The following TACC2 variants were observed in gnomAD, a reference collection of about 807,000 sequenced individuals.
TACC2 encodes the protein transforming acidic coiled-coil-containing protein 2.
TACC2 carries 137 observed loss-of-function variants against 227.3 expected under a neutral mutation model. That is an observed-to-expected ratio of 0.60 (90% CI 0.52 to 0.69). The LOEUF (loss-of-function observed/expected upper bound fraction) is 0.69. TACC2 is among the 30% of genes least tolerant of loss of function. TACC2 has a pLI of 0.00. For synonymous variants in TACC2, 1,523 were observed against 1,487.5 expected, an observed-to-expected ratio of 1.02 and a Z score of -0.55; for missense variants, 3,470 against 3,694.4, an observed-to-expected ratio of 0.94 and a Z score of 1.57.
chr10:122,151,894 A>G (rs1449872330), intron 7 of TACC2, among the ~76,000 whole-genome samples: 1 of 152,210 alleles, frequency 6.6e-6, no homozygotes, highest in East Asian at 1.9e-4. Flanking sequence ...TGACCCTGCA[A>G]CGTGGGCCAC....
rs149502897 is a variant in TACC2, at chr10:122,132,512, GC to G, written c.5574-94del. On this transcript the variant is annotated intron_variant, in intron 5 of 22. Coordinates refer to ENST00000369005, the MANE Select transcript of TACC2 (RefSeq NM_206862.4). ...TGCAGTGAGCGGAGATCGCGCCATT[GC>G]CCTCCAGCCTGGATAAGAAAAGCGA... 8,097 of 1,449,548 alleles carry G rather than the reference GC, an allele frequency of 5.6e-3. 299 individuals carry two copies. The African/African-American group carries it at 0.087, about 16-fold the overall frequency. 89.8% of individuals were successfully genotyped at this position (1,449,548 alleles called of 1,614,324 possible).
At position 122,088,476 on chromosome 10, in the gene TACC2, A is replaced by C; in HGVS notation, c.5460-2A>C. On this transcript the variant is annotated splice_acceptor_variant, in intron 4 of 22. Transcript: ENST00000369005. LOFTEE classifies it high-confidence loss of function. ...ATTAATTGCTTTCTTTTATTATCCC[A>C]GAGAGAGCCCCAGGCCTGGCCCATC... 2 of 1,610,778 alleles carry C rather than the reference A, an allele frequency of 1.2e-6. No homozygotes were observed. The highest frequency in any genetic ancestry group is 1.7e-6 in the Non-Finnish European group (2 of 1,178,348).
rs774997518 is a variant in TACC2 at position 122,050,572 on chromosome 10, A to G, written c.146+22A>G. On this transcript the variant is annotated intron_variant, in intron 3 of 22. Coordinates refer to ENST00000369005, the MANE Select transcript of TACC2 (RefSeq NM_206862.4). This position sits in a 1 kb window ranked among gnomAD's most constrained non-coding sequence, Gnocchi z 4.6. Reference sequence around the variant, plus strand: ...CCAGGTAGGAGGCCAGCTCTGGAGGACTGATGCAGCCCAAGGACTGCCCCG... The same window carrying G: ...CCAGGTAGGAGGCCAGCTCTGGAGGGCTGATGCAGCCCAAGGACTGCCCCG... 1.3e-6 allele frequency: 2 copies of G among 1,587,366 alleles called. No homozygotes were observed. The highest frequency in any genetic ancestry group is 1.7e-6 in the Non-Finnish European group (2 of 1,157,048).
chr10:122,136,844 G>C (rs2089768877), intron 6 of TACC2, among the ~76,000 whole-genome samples: 1 of 151,986 alleles, frequency 6.6e-6, no homozygotes, highest in African/African-American at 2.4e-5. Flanking sequence ...GTGAGCCACT[G>C]AACCCAGCAG....
chr10:122,197,427 C>G (rs559872275), intron 8 of TACC2, among the ~76,000 whole-genome samples: 75 of 152,356 alleles, frequency 4.9e-4, no homozygotes, highest in African/African-American at 1.7e-3. Context: ...TGGGATGCCA[C>G]TCTGTTCTCT....
intron 7 of TACC2, chr10:122,164,002 C>A: frequency 6.4e-7 from 1 of 1,571,466 alleles, no homozygotes. Context: ...TGTAAGTGCT[C>A]CGCCCGGGCC....
At chr10:122,164,130 C>G in intron 7 of TACC2, 1 of 1,046,254 alleles carries the variant, frequency 9.6e-7, no homozygotes, top group Non-Finnish European at 1.4e-6. Context: ...CCTTGGAAAG[C>G]TTTACCTGGG....
intron 2 of TACC2, among the ~76,000 whole-genome samples, chr10:122,049,362 G>A (rs963942542): frequency 6.6e-6 from 1 of 152,148 alleles, no homozygotes; most frequent in Non-Finnish European, 1.5e-5. Context: ...GTGACTTCCC[G>A]ACTCACCTTC....
At chr10:122,235,975 G>A (rs917503913) in intron 16 of TACC2, among the ~76,000 whole-genome samples, 3 of 152,074 alleles carry the variant, frequency 2.0e-5, no homozygotes, top group Non-Finnish European at 2.9e-5. Flanking sequence ...GGCAACAGAC[G>A]TTCAATCTTC....
chr10:122,093,054 C>A (rs2080997357), intron 5 of TACC2, among the ~76,000 whole-genome samples: 1 of 150,852 alleles, frequency 6.6e-6, no homozygotes, highest in Admixed American at 6.6e-5. Context: ...CTTGTCGTTG[C>A]TGAATATGTG....
At chr10:121,999,201 G>A (rs948551078) in intron 1 of TACC2, among the ~76,000 whole-genome samples, 1 of 152,054 alleles carries the variant, frequency 6.6e-6, no homozygotes, top group Non-Finnish European at 1.5e-5. Context: ...TAGAGACAGG[G>A]TTTCACCGTT....
chr10:122,034,529 C>T (rs935657053), intron 2 of TACC2, among the ~76,000 whole-genome samples: 2 of 152,120 alleles, frequency 1.3e-5, no homozygotes, highest in Non-Finnish European at 2.9e-5. Flanking sequence ...CCTGGATCAG[C>T]CCAGAAAAAG....
chr10:122,133,386 C>T (rs184175966), intron 6 of TACC2, among the ~76,000 whole-genome samples: 3 of 152,244 alleles, frequency 2.0e-5, no homozygotes, highest in East Asian at 1.9e-4. Flanking sequence ...GCATTTAACC[C>T]GGGCTTTCCC....
intron 3 of TACC2, among the ~76,000 whole-genome samples, chr10:122,062,894 C>T (rs1320221519): frequency 1.3e-5 from 2 of 152,186 alleles, no homozygotes; most frequent in African/African-American, 2.4e-5. Context: ...TCACCTCACC[C>T]GGCAGCTCTG....
Position 122,248,999 on chromosome 10 carries a change from G to A in TACC2, c.8554-51G>A, listed in dbSNP as rs965206573. The A allele has an allele frequency of 3.8e-6, 6 of 1,558,572 alleles. No homozygotes were observed. In the African/African-American group the frequency reaches 8.1e-5, roughly 21 times the overall value. ...AGTTCCTGGGGTTCCCACCAGTGCT[G>A]GGCATTTGTTCTCGTGGGCTTGACG... is the stretch of plus-strand genomic sequence containing the variant. On this transcript the variant is annotated intron_variant, in intron 20 of 22. Coordinates refer to ENST00000369005, the MANE Select transcript of TACC2 (RefSeq NM_206862.4).
At chr10:122,163,564 A>G in intron 7 of TACC2, 3 of 994,960 alleles carry the variant, frequency 3.0e-6, no homozygotes, top group Non-Finnish European at 3.6e-6. Flanking sequence ...TGATGACATC[A>G]TCGTGTCACA....
intron 7 of TACC2, among the ~76,000 whole-genome samples, chr10:122,188,425 A>T (rs2094290087): frequency 6.6e-6 from 1 of 152,042 alleles, no homozygotes; most frequent in South Asian, 2.1e-4. Flanking sequence ...GACTACAGGC[A>T]TGCGCCACCA....
intron 3 of TACC2, among the ~76,000 whole-genome samples, chr10:122,073,491 C>T (rs1168858472): frequency 3.9e-5 from 6 of 152,134 alleles, no homozygotes; most frequent in Non-Finnish European, 8.8e-5. Context: ...TCCATGTCGT[C>T]CTCTCAAGGG....
intron 8 of TACC2, among the ~76,000 whole-genome samples, chr10:122,202,901 C>A (rs10887102): frequency 0.44 from 66,128 of 148,814 alleles, 16,720 homozygotes; most frequent in East Asian, 0.59. Flanking sequence ...TTTAACAAAG[C>A]ACATCTTGCA....
Sources: gnomAD v4.1 joint callset for allele counts (sites outside exome capture counted in the v4.1 genomes callset) on GRCh38, gnomAD v4.1.1 for gene constraint, Gnocchi (gnomAD v3.1) non-coding constraint, MANE v1.5 for transcripts, NCBI Gene and HGNC (gene_info 2026-07-23, HGNC 2026-07-21) for gene names.